The following DPP9 variants were observed in gnomAD, a reference collection of about 807,000 sequenced individuals.
DPP9 encodes the protein dipeptidyl peptidase IV-related protein-2.
Under a neutral mutation model 110.7 loss-of-function variants are expected in DPP9, and 50 were observed. The observed-to-expected ratio is 0.45, with a 90% CI of 0.36 to 0.57. DPP9 has a LOEUF of 0.57. Ranked by LOEUF, DPP9 falls within the 20% of genes least tolerant of loss-of-function variation. The pLI is 0.00. For synonymous variants in DPP9, 561 were observed against 514.4 expected, an observed-to-expected ratio of 1.09 and a Z score of -1.23; for missense variants, 1,022 against 1,217.9, an observed-to-expected ratio of 0.84 and a Z score of 2.39.
rs1322612750 is a variant in DPP9, at chr19:4,691,140, C to T, written c.1517-183G>A. On this transcript the variant is annotated intron_variant, in intron 13 of 21. Coordinates refer to ENST00000262960, the MANE Select transcript of DPP9 (RefSeq NM_139159.5). Reference sequence around the variant, plus strand: ...CCTGCCACATGGGCAAGGAAGCCTGCGGGGCCTGTTCCTGCCATGTGGATG... The same window carrying T: ...CCTGCCACATGGGCAAGGAAGCCTGTGGGGCCTGTTCCTGCCATGTGGATG... 3.9e-5 allele frequency among the ~76,000 whole-genome samples: 6 copies of T among 152,168 alleles called. No individual in the cohort carries two copies. The South Asian group carries it at 8.3e-4, about 21-fold the overall frequency.
chr19:4,712,942 G>A (rs2092903336), intron 4 of DPP9, among the ~76,000 whole-genome samples: 1 of 152,208 alleles, frequency 6.6e-6, no homozygotes, highest in Admixed American at 6.5e-5. Flanking sequence ...AGCACACGCG[G>A]GCCTGGGCTC....
Position 4,682,551 on chromosome 19 carries a change from C to T in DPP9, c.2474+145G>A. 1.6e-6 allele frequency: 2 copies of T among 1,257,314 alleles called. No homozygotes were observed. The highest frequency in any genetic ancestry group is 1.1e-6 in the Non-Finnish European group (1 of 917,092). 77.9% of individuals were successfully genotyped at this position (1,257,314 alleles called of 1,614,324 possible). A position where few individuals can be genotyped will look rare whatever the true frequency, so the allele number is the denominator to read the frequency against. Reference sequence around the variant, plus strand: ...AGGCACATGCAGGCAGACGCCACCACAGGAGCACAGCGGGGAGGCTCCACA... The same window carrying T: ...AGGCACATGCAGGCAGACGCCACCATAGGAGCACAGCGGGGAGGCTCCACA... On this transcript the variant is annotated intron_variant, in intron 20 of 21. Transcript: ENST00000262960. This position sits in a 1 kb window ranked among gnomAD's most constrained non-coding sequence, Gnocchi z 7.1.
At chr19:4,679,779 C>T in intron 21 of DPP9, 56 bp downstream of exon 21, 1 of 1,383,536 alleles carries the variant, frequency 7.2e-7, no homozygotes, top group Non-Finnish European at 1.0e-6. Context: ...TCCCACCCCC[C>T]ACTCCCAGGG....
intron 3 of DPP9, 46 bp downstream of exon 3, chr19:4,719,805 G>A: frequency 6.5e-7 from 1 of 1,548,274 alleles, no homozygotes; most frequent in Non-Finnish European, 8.7e-7. Flanking sequence ...AATTCCAGAA[G>A]CTGGGCCACA....
chr19:4,703,995 G>A lies in DPP9; in HGVS notation c.660C>T (p.Pro220=). 1 of 1,614,008 alleles carries A rather than the reference G, an allele frequency of 6.2e-7. No individual in the cohort carries two copies. Among genetic ancestry groups the A allele is most frequent in the Non-Finnish European group, 8.5e-7 (1 of 1,179,878 alleles). The change falls in exon 7 of 22, where the codon CCC becomes CCT. Residue 220 remains proline (P), a synonymous_variant. Coordinates refer to ENST00000262960, the MANE Select transcript of DPP9 (RefSeq NM_139159.5). The stretch of plus-strand genomic sequence containing the variant: ...AGGCAGGGTCGGCAGGGCAGATTTT[G>A]GGGTCCATCCGGGGCCCTGAGCACT... The part of the protein sequence containing the change: ...KTQCSGPRMD[P]KICPADPAFF...
chr19:4,701,521 G>C (rs756079990), intron 9 of DPP9, among the ~76,000 whole-genome samples: 1 of 152,196 alleles, frequency 6.6e-6, no homozygotes, highest in African/African-American at 2.4e-5. Flanking sequence ...GCCAAATCCA[G>C]CCTGCCTTCT....
At chr19:4,686,187 C>G (rs1015897415) in intron 16 of DPP9, among the ~76,000 whole-genome samples, 1 of 151,754 alleles carries the variant, frequency 6.6e-6, no homozygotes, top group Non-Finnish European at 1.5e-5. Flanking sequence ...TTCCTGGGTT[C>G]AAGCGATTAT....
At chr19:4,701,340 C>A (rs2092240608) in intron 9 of DPP9, among the ~76,000 whole-genome samples, 1 of 152,152 alleles carries the variant, frequency 6.6e-6, no homozygotes, top group Non-Finnish European at 1.5e-5. Context: ...TGGTGGCACA[C>A]ACCTGTAGTC....
rs777377418 is a variant in DPP9, at chr19:4,702,162, TG to T, written c.884-8del. 39 of 1,605,640 alleles carry T rather than the reference TG, an allele frequency of 2.4e-5. No individual in the cohort carries two copies. The South Asian group carries it at 4.2e-4, about 17-fold the overall frequency. On this transcript the variant is annotated splice_polypyrimidine_tract_variant and splice_region_variant and intron_variant, in intron 8 of 21. Coordinates refer to ENST00000262960, the MANE Select transcript of DPP9 (RefSeq NM_139159.5). Reference sequence around the variant, plus strand: ...GTCTTGAGGCCCTCTGAACCTTGGGTGGGGTGGTGGAAAAACTGCTGAGGGT... The same window carrying T: ...GTCTTGAGGCCCTCTGAACCTTGGGTGGGTGGTGGAAAAACTGCTGAGGGT...
intron 4 of DPP9, among the ~76,000 whole-genome samples, chr19:4,713,536 C>T (rs990730305): frequency 2.6e-5 from 4 of 152,238 alleles, no homozygotes; most frequent in Non-Finnish European, 5.9e-5. Context: ...GCTGCAAGCG[C>T]GTGGCAAGCC....
At chr19:4,721,957 G>A (rs1327464978) in intron 2 of DPP9, among the ~76,000 whole-genome samples, 4 of 152,148 alleles carry the variant, frequency 2.6e-5, no homozygotes, top group Non-Finnish European at 5.9e-5. Flanking sequence ...TGGGGAAGTC[G>A]CTGAACCTCT....
chr19:4,712,385 C>G (rs953242828), intron 4 of DPP9, among the ~76,000 whole-genome samples: 1 of 151,968 alleles, frequency 6.6e-6, no homozygotes, highest in Non-Finnish European at 1.5e-5. Flanking sequence ...CTCATCTCTA[C>G]AAAAAATACA....
Position 4,704,180 on chromosome 19 carries a change from G to C in DPP9, c.551C>G (p.Ala184Gly), listed in dbSNP as rs200878232. The change falls in exon 6 of 22, where the codon GCC becomes GGC. Residue 184 changes from alanine (A) to glycine (G), a missense_variant. Transcript: ENST00000262960. This position sits in a 1 kb window ranked among gnomAD's most constrained non-coding sequence, Gnocchi z 6.0. ...GCGGCAGTGGAAGAGGCTGTTGCTG[G>C]CCTGGAAGAGGAAGAGGCCACTCTC... Reference protein sequence around the residue: ...HSESGLFLFQASNSLFHCRDG... With the variant: ...HSESGLFLFQGSNSLFHCRDG... 5.0e-3 allele frequency: 8,068 copies of C among 1,614,012 alleles called. 47 individuals are homozygous for C. Among genetic ancestry groups the C allele is most frequent in the Non-Finnish European group, 4.9e-3 (5,749 of 1,179,900 alleles).
Position 4,682,989 on chromosome 19 carries a change from C to T in DPP9, c.2332-151G>A. The T allele has an allele frequency of 1.3e-6, 2 of 1,531,094 alleles. No homozygotes were observed. The highest frequency in any genetic ancestry group is 1.7e-6 in the Non-Finnish European group (2 of 1,144,928). 94.8% of individuals were successfully genotyped at this position (1,531,094 alleles called of 1,614,324 possible). A position where few individuals can be genotyped will look rare whatever the true frequency, so the allele number is the denominator to read the frequency against. ...GGCCGGCAAGGAAGGGGCCCTCAGACCGCGTGGCCCCCGTGGACGGTGCGT... is the reference window on the plus strand; with the variant it reads ...GGCCGGCAAGGAAGGGGCCCTCAGATCGCGTGGCCCCCGTGGACGGTGCGT... On this transcript the variant is annotated intron_variant, in intron 19 of 21. Transcript: ENST00000262960. This position sits in a 1 kb window ranked among gnomAD's most constrained non-coding sequence, Gnocchi z 7.1.
chr19:4,689,850 TGGCTTTAG>T lies in DPP9; in HGVS notation c.1597-136_1597-129del. The T allele has an allele frequency of 9.4e-7, 1 of 1,062,788 alleles. No individual in the cohort carries two copies. Among genetic ancestry groups the T allele is most frequent in the Non-Finnish European group, 1.3e-6 (1 of 763,492 alleles). The allele number at this position is 1,062,788 out of a possible 1,614,324, so 65.8% of individuals were successfully genotyped here. A position where few individuals can be genotyped will look rare whatever the true frequency, so the allele number is the denominator to read the frequency against. On this transcript the variant is annotated intron_variant, in intron 14 of 21. Coordinates refer to ENST00000262960, the MANE Select transcript of DPP9 (RefSeq NM_139159.5). The surrounding 1 kb of genome is among the most constrained non-coding windows in gnomAD (Gnocchi z 7.0). The stretch of plus-strand genomic sequence containing the variant: ...GACGCATGCTGTCCTCGCCCAAGTC[TGGCTTTAG>T]GGCTGGAGATGAACCATCCCTGAGA...
In DPP9 at chr19:4,702,645, G is replaced by A. The variant is rs376076946; in HGVS notation, c.841C>T (p.Arg281Cys). 15 of 1,604,236 alleles carry A rather than the reference G, an allele frequency of 9.4e-6. No individual in the cohort carries two copies. Among genetic ancestry groups the A allele is most frequent in the Non-Finnish European group, 1.3e-5 (15 of 1,175,736 alleles). ...GGGCACCACCAGTACCCAGTGAAGC[G>A]GTCGAACTCTTCCTGTATGACGAAG... is the stretch of plus-strand genomic sequence containing the variant. The part of the protein sequence containing the change: ...ATFVIQEEFD[R>C]FTGYWWCPTA... The change falls in exon 8 of 22, where the codon CGC (arginine) becomes TGC (cysteine). Residue 281 changes from arginine to cysteine, a missense_variant. Physicochemically the swap from Arg to Cys is radical, Grantham distance 180. Around this residue, in one of 3 missense-constraint regions of DPP9, gnomAD observed 810 missense variants for 920.6 expected, o/e 0.88. Transcript: ENST00000262960.
intron 16 of DPP9, among the ~76,000 whole-genome samples, chr19:4,686,556 G>A (rs967402656): frequency 1.3e-5 from 2 of 151,960 alleles, no homozygotes; most frequent in Admixed American, 6.6e-5. Context: ...CTGTCCTTAG[G>A]TGATCCACCC....
chr19:4,677,995 TGCCATGTTCCCACCCCACA>T (rs2089132418), intron 21 of DPP9, among the ~76,000 whole-genome samples: 1 of 152,200 alleles, frequency 6.6e-6, no homozygotes, highest in Non-Finnish European at 1.5e-5. Context: ...TCCCACACAA[TGCCATGTTCCCACCCCACA>T]GCCTATCTCA....
In DPP9 at chr19:4,694,350, CTTTA is replaced by C; in HGVS notation, c.1516+307_1516+310del. ...TGGCTGTGGCTCAGTGCCAATAAAA[CTTTA>C]TTTATGAACACAGGTGGTGGGCCGG... On this transcript the variant is annotated intron_variant, in intron 13 of 21. Transcript: ENST00000262960. The surrounding 1 kb of genome is among the most constrained non-coding windows in gnomAD (Gnocchi z 4.0). 1 of 493,780 alleles carries C rather than the reference CTTTA, an allele frequency of 2.0e-6. No individual in the cohort carries two copies. The highest frequency in any genetic ancestry group is 3.6e-6 in the Non-Finnish European group (1 of 279,582). 30.6% of individuals were successfully genotyped at this position (493,780 alleles called of 1,614,324 possible). A position where few individuals can be genotyped will look rare whatever the true frequency, so the allele number is the denominator to read the frequency against.
Sources: gnomAD v4.1 joint callset for allele counts (sites outside exome capture counted in the v4.1 genomes callset) on GRCh38, gnomAD v4.1.1 for gene constraint, gnomAD v4.1.1 regional missense constraint, Gnocchi (gnomAD v3.1) non-coding constraint, MANE v1.5 for transcripts, NCBI Gene and HGNC (gene_info 2026-07-23, HGNC 2026-07-21) for gene names.